The following DAAM1 variants were observed in gnomAD, a reference collection of about 807,000 sequenced individuals.
The protein encoded by DAAM1 is disheveled-associated activator of morphogenesis 1.
A neutral mutation model predicts 130.0 loss-of-function variants in DAAM1; 52 were observed. That is an observed-to-expected ratio of 0.40 (90% CI 0.32 to 0.50). The LOEUF is 0.50. Among genes scored for constraint, DAAM1 ranks in the 20% least tolerant of loss-of-function variants. DAAM1 has a pLI of 0.61. For synonymous variants in DAAM1, 452 were observed against 444.5 expected (o/e 1.02, Z -0.21); for missense variants, 1,134 against 1,303.8 (o/e 0.87, Z 2.01).
In DAAM1 at chr14:59,354,053, C is replaced by A. The variant is rs531000707; in HGVS notation, c.2356+89C>A. ...CCAAGTGCATATAGTAAACAAGATC[C>A]CCTTGGTGATTTTTTTTTTTTTTTT... On this transcript the variant is annotated intron_variant, in intron 19 of 24. Transcript: ENST00000360909. 3.8e-5 allele frequency: 49 copies of A among 1,302,480 alleles called. No homozygotes were observed. The African/African-American group carries it at 7.8e-4, about 21-fold the overall frequency. 80.7% of individuals were successfully genotyped at this position (1,302,480 alleles called of 1,614,324 possible). A position where few individuals can be genotyped will look rare whatever the true frequency, so the allele number is the denominator to read the frequency against.
chr14:59,322,787 C>G (rs1168734853), intron 5 of DAAM1, 105 bp from the exon 6 acceptor site: 6 of 931,702 alleles, frequency 6.4e-6, no homozygotes, highest in Non-Finnish European at 9.8e-6. Context: ...CCTTTTGGCA[C>G]TTTAGGAACT....
rs1028748832 is a variant in DAAM1, at chr14:59,346,149, G to C, written c.2076-1390G>C. ...CAATCCCTTTTTTTTGGGGGGGGGG[G>C]GGTGCCTGGAGGGATGCAGTTATGT... On this transcript the variant is annotated intron_variant, in intron 16 of 24. Transcript: ENST00000360909. Among the ~76,000 whole-genome samples the C allele has an allele frequency of 5.9e-4, 87 of 146,456 alleles. 1 individual carries two copies. Among genetic ancestry groups the C allele is most frequent in the South Asian group, 2.9e-3 (13 of 4,474 alleles).
intron 3 of DAAM1, among the ~76,000 whole-genome samples, chr14:59,297,301 C>T (rs1441783966): frequency 2.0e-5 from 3 of 152,196 alleles, no homozygotes; most frequent in Non-Finnish European, 2.9e-5. Context: ...CAGATGTTTA[C>T]CAAAGCCATT....
chr14:59,261,546 G>A (rs894596941), intron 1 of DAAM1, among the ~76,000 whole-genome samples: 2 of 152,170 alleles, frequency 1.3e-5, no homozygotes, highest in Admixed American at 1.3e-4. Context: ...TTAAGAGCCA[G>A]TTACAGCATC....
chr14:59,224,389 A>T (rs1397633160), intron 1 of DAAM1, among the ~76,000 whole-genome samples: 2 of 152,240 alleles, frequency 1.3e-5, no homozygotes. Flanking sequence ...TGATGGTGGC[A>T]CATCTCTGTA....
At chr14:59,242,844 G>A (rs568199693) in intron 1 of DAAM1, among the ~76,000 whole-genome samples, 10 of 152,208 alleles carry the variant, frequency 6.6e-5, no homozygotes, top group African/African-American at 1.7e-4. Flanking sequence ...GTGAGCCACC[G>A]TGCCCAGCCG....
At chr14:59,280,429 T>C (rs1446971624) in intron 2 of DAAM1, among the ~76,000 whole-genome samples, 1 of 151,860 alleles carries the variant, frequency 6.6e-6, no homozygotes, top group African/African-American at 2.4e-5. Flanking sequence ...AGAGAGACCC[T>C]ATCTCTAAAC....
chr14:59,330,773 C>T lies in DAAM1; in HGVS notation c.1560+85C>T, dbSNP rs1241394247. The T allele has an allele frequency of 1.2e-5, 16 of 1,321,664 alleles. No homozygotes were observed. The South Asian group carries it at 1.9e-4, about 16-fold the overall frequency. 81.9% of individuals were successfully genotyped at this position (1,321,664 alleles called of 1,614,324 possible). A position where few individuals can be genotyped will look rare whatever the true frequency, so the allele number is the denominator to read the frequency against. Reference sequence around the variant, plus strand: ...TCACCCTTAAGTAGAGAACTTCATACTGGGGGAATAAAATCTGAAATGGCT... The same window carrying T: ...TCACCCTTAAGTAGAGAACTTCATATTGGGGGAATAAAATCTGAAATGGCT... On this transcript the variant is annotated intron_variant, in intron 13 of 24. Transcript: ENST00000360909.
At chr14:59,367,636 G>GA (rs770622349) in intron 24 of DAAM1, 37 bp downstream of exon 24, 1 of 1,595,128 alleles carries the variant, frequency 6.3e-7, no homozygotes, top group Non-Finnish European at 8.5e-7. Context: ...CCACCTCCTA[G>GA]AAGTTCTATG....
At chr14:59,210,721 G>A (rs968331616) in intron 1 of DAAM1, among the ~76,000 whole-genome samples, 5 of 152,106 alleles carry the variant, frequency 3.3e-5, no homozygotes, top group Non-Finnish European at 7.3e-5. Context: ...CTTAATCTTA[G>A]TAGTTTTCTG....
At chr14:59,251,717 A>G (rs769229487) in intron 1 of DAAM1, among the ~76,000 whole-genome samples, 1 of 152,208 alleles carries the variant, frequency 6.6e-6, no homozygotes, top group Non-Finnish European at 1.5e-5. Context: ...CCTTATTTCT[A>G]TACTTCATCT....
chr14:59,198,380 A>G (rs1173623688), intron 1 of DAAM1, among the ~76,000 whole-genome samples: 1 of 151,436 alleles, frequency 6.6e-6, no homozygotes, highest in African/African-American at 2.4e-5. Flanking sequence ...TAATTTTTCT[A>G]TTTTTAGTAG....
In DAAM1 at chr14:59,239,666, C is replaced by G. The variant is rs567648594; in HGVS notation, c.-37-23775C>G. ...CCCCGATCCTTGTTATATTCCTTCC[C>G]TACCACACAGTCTGTCTCTCTCAAA... On this transcript the variant is annotated intron_variant, in intron 1 of 24. Coordinates refer to ENST00000360909, the MANE Select transcript of DAAM1 (RefSeq NM_001270520.2). Among the ~76,000 whole-genome samples the G allele has an allele frequency of 9.9e-5, 15 of 152,260 alleles. No homozygotes were observed. In the East Asian group the frequency reaches 2.7e-3, roughly 27 times the overall value.
chr14:59,326,508 A>G lies in DAAM1; in HGVS notation c.1175-2A>G, dbSNP rs1196813464. On this transcript the variant is annotated splice_acceptor_variant, in intron 10 of 24. Coordinates refer to ENST00000360909, the MANE Select transcript of DAAM1 (RefSeq NM_001270520.2). LOFTEE classifies it high-confidence loss of function. ...TTTTTTCACTATTCTTTTCTTTTTT[A>G]GACAAGAGGAGTGGCAACACTGTTC... 2 of 1,564,214 alleles carry G rather than the reference A, an allele frequency of 1.3e-6. No individual in the cohort carries two copies. Among genetic ancestry groups the G allele is most frequent in the African/African-American group, 1.4e-5 (1 of 72,504 alleles).
At position 59,263,596 on chromosome 14, in the gene DAAM1, C is replaced by G; in HGVS notation, c.119C>G (p.Thr40Ser). 1.9e-6 allele frequency: 3 copies of G among 1,614,184 alleles called. No individual in the cohort carries two copies. Among genetic ancestry groups the G allele is most frequent in the Non-Finnish European group, 2.5e-6 (3 of 1,180,036 alleles). ...AATGATAGCAACTTTGCGCTTCAGA[C>G]CATGGAACCAGCATTGCCCATGCCC... is the stretch of plus-strand genomic sequence containing the variant. ...LRNDSNFALQ[T>S]MEPALPMPPV... Residue 40 changes from threonine to serine, a missense_variant, in exon 2 of 25, where the codon ACC (threonine) becomes AGC (serine). Physicochemically the swap from Thr to Ser is moderately conservative, Grantham distance 58. Transcript: ENST00000360909.
At chr14:59,338,344 A>G (rs776838252) in intron 15 of DAAM1, 37 of 1,610,038 alleles carry the variant, frequency 2.3e-5, no homozygotes, top group Non-Finnish European at 3.1e-5. Context: ...TGAACTGCAT[A>G]TATCTGATTT....
In DAAM1 at chr14:59,314,861, A is replaced by C. The variant is rs529399965; in HGVS notation, c.274-419A>C. On this transcript the variant is annotated intron_variant, in intron 3 of 24. Coordinates refer to ENST00000360909, the MANE Select transcript of DAAM1 (RefSeq NM_001270520.2). The stretch of plus-strand genomic sequence containing the variant: ...TGTCTGATGGAGTCTGAATACACTA[A>C]CTGAAAAAGTTTGGTTAATAACTGG... 3.9e-5 allele frequency among the ~76,000 whole-genome samples: 6 copies of C among 152,300 alleles called. No homozygotes were observed. The South Asian group carries it at 1.2e-3, about 32-fold the overall frequency.
intron 1 of DAAM1, among the ~76,000 whole-genome samples, chr14:59,223,259 C>T (rs971612917): frequency 6.6e-6 from 1 of 152,234 alleles, no homozygotes; most frequent in African/African-American, 2.4e-5. Context: ...TGATGGAGTG[C>T]TGCTGTGCAT....
intron 3 of DAAM1, among the ~76,000 whole-genome samples, chr14:59,303,223 A>C (rs1398408032): frequency 2.0e-5 from 3 of 152,332 alleles, no homozygotes; most frequent in East Asian, 3.9e-4. Flanking sequence ...TTCACTAGGC[A>C]TGAAAATGGA....
Sources: allele counts gnomAD v4.1 joint callset (sites outside exome capture counted in the v4.1 genomes callset), GRCh38; gene constraint gnomAD v4.1.1; transcripts MANE v1.5; gene names NCBI Gene and HGNC (gene_info 2026-07-23, HGNC 2026-07-21).